The following MAP7 variants were observed in gnomAD, a reference collection of about 807,000 sequenced individuals.
MAP7 encodes microtubule associated protein 7.
Under a neutral mutation model 94.8 loss-of-function variants are expected in MAP7, and 52 were observed. That is an observed-to-expected ratio of 0.55 (90% CI 0.44 to 0.69). MAP7 has a LOEUF of 0.69. Among genes scored for constraint, MAP7 ranks in the 30% least tolerant of loss-of-function variants. The probability of loss-of-function intolerance (pLI) is 0.00; values close to 1 mark genes in which losing one functional copy is unlikely to be tolerated. For synonymous variants in MAP7, 350 were observed against 357.0 expected, an observed-to-expected ratio of 0.98 and a Z score of 0.22; for missense variants, 940 against 964.6, an observed-to-expected ratio of 0.97 and a Z score of 0.34.
chr6:136,367,296 C>T (rs1794580848), intron 8 of MAP7, among the ~76,000 whole-genome samples: 1 of 151,796 alleles, frequency 6.6e-6, no homozygotes, highest in Non-Finnish European at 1.5e-5. Context: ...TGAAACCTGA[C>T]AATGCCCTCA....
intron 1 of MAP7, among the ~76,000 whole-genome samples, chr6:136,439,778 T>TC (rs992925132): frequency 6.6e-6 from 1 of 151,496 alleles, no homozygotes; most frequent in African/African-American, 2.4e-5. Context: ...ATAAGCAACT[T>TC]TTTTTTTTCC....
At chr6:136,411,341 G>C (rs147361414) in intron 3 of MAP7, among the ~76,000 whole-genome samples, 1 of 152,174 alleles carries the variant, frequency 6.6e-6, no homozygotes, top group Non-Finnish European at 1.5e-5. Flanking sequence ...TACTGTCCTC[G>C]CATTTTCTCA....
intron 16 of MAP7, among the ~76,000 whole-genome samples, chr6:136,349,847 G>A (rs1011308552): frequency 2.0e-5 from 3 of 152,090 alleles, no homozygotes; most frequent in Non-Finnish European, 4.4e-5. Flanking sequence ...TGAGGAGTAG[G>A]GTTCAGGATA....
intron 1 of MAP7, among the ~76,000 whole-genome samples, chr6:136,479,404 T>C (rs112031332): frequency 0.02 from 3,105 of 152,236 alleles, 108 homozygotes; most frequent in East Asian, 0.14. Flanking sequence ...TAGTATCATA[T>C]TGAATGAGGA....
intron 6 of MAP7, among the ~76,000 whole-genome samples, chr6:136,380,924 T>A (rs1164457956): frequency 6.6e-6 from 1 of 152,228 alleles, no homozygotes; most frequent in Non-Finnish European, 1.5e-5. Context: ...GCTCTTTGGA[T>A]ATATTACAGC....
intron 1 of MAP7, among the ~76,000 whole-genome samples, chr6:136,501,586 G>A (rs1281087731): frequency 3.3e-5 from 5 of 152,032 alleles, no homozygotes; most frequent in Admixed American, 2.6e-4. Context: ...TTCCACTCCT[G>A]TCTCATTAAT....
intron 3 of MAP7, among the ~76,000 whole-genome samples, chr6:136,394,940 A>ATATATATATATATATATG (rs1554243158): frequency 2.2e-5 from 2 of 91,686 alleles, no homozygotes; most frequent in Non-Finnish European, 4.2e-5. Flanking sequence ...TCATATATAT[A>ATATATATATATATATATG]TATATATATA....
rs1454144808 is a variant in MAP7 at position 136,366,055 on chromosome 6, A to G, written c.990-37T>C. ...ACAAACAAGGCAGACAAAAGGGGAC[A>G]CATGAGAACAGGCTTGCCAGAACCT... is the stretch of plus-strand genomic sequence containing the variant. On this transcript the variant is annotated intron_variant, in intron 9 of 17. Transcript: ENST00000354570. 1.9e-6 allele frequency: 3 copies of G among 1,584,866 alleles called. No individual in the cohort carries two copies. The African/African-American group carries it at 4.0e-5, about 21-fold the overall frequency.
chr6:136,354,475 G>T (rs1360342431), intron 16 of MAP7, among the ~76,000 whole-genome samples: 3 of 145,660 alleles, frequency 2.1e-5, no homozygotes, highest in African/African-American at 7.5e-5. Flanking sequence ...ATATATAGTA[G>T]ATATATATAC....
chr6:136,533,700 G>GGT (rs1244804682), intron 1 of MAP7, among the ~76,000 whole-genome samples: 1 of 152,168 alleles, frequency 6.6e-6, no homozygotes, highest in African/African-American at 2.4e-5. Flanking sequence ...AAGGGAAACA[G>GGT]GTGTGTCACA....
At chr6:136,459,186 A>G (rs1316715006) in intron 1 of MAP7, among the ~76,000 whole-genome samples, 2 of 152,134 alleles carry the variant, frequency 1.3e-5, no homozygotes, top group African/African-American at 4.8e-5. Context: ...ATCCAAATTA[A>G]AATCCTCATG....
chr6:136,356,757 T>G lies in MAP7; in HGVS notation c.1950A>C (p.Gly650=). Residue 650 remains glycine (G), a synonymous_variant, in exon 16 of 18, where the codon GGA becomes GGC. Transcript: ENST00000354570. ...GTGGGCTGCCAACTGGCTTTCCATT[T>G]CCCGGAGCGTTTGTTGTACATGGAA... ...SALPCTTNAP[G]NGKPVGSPHV... The G allele has an allele frequency of 6.2e-7, 1 of 1,614,204 alleles. No homozygotes were observed. The highest frequency in any genetic ancestry group is 8.5e-7 in the Non-Finnish European group (1 of 1,180,032).
chr6:136,500,644 G>A (rs1399531577), intron 1 of MAP7, among the ~76,000 whole-genome samples: 1 of 152,214 alleles, frequency 6.6e-6, no homozygotes, highest in Non-Finnish European at 1.5e-5. Flanking sequence ...GTTACACTAA[G>A]TGCATCTACC....
At chr6:136,350,307 G>A (rs1788807425) in intron 16 of MAP7, among the ~76,000 whole-genome samples, 1 of 152,172 alleles carries the variant, frequency 6.6e-6, no homozygotes. Context: ...TAAAGATACT[G>A]ACTGATCACA....
chr6:136,440,489 G>T lies in MAP7; in HGVS notation c.68-18690C>A, dbSNP rs185655590. ...TTATGTCATCAGTCATAGGGAAAAA[G>T]AACAGGATATGCATCAGCTTTTTAT... On this transcript the variant is annotated intron_variant, in intron 1 of 17. Transcript: ENST00000354570. Among the ~76,000 whole-genome samples the T allele has an allele frequency of 5.9e-5, 9 of 152,174 alleles. No individual in the cohort carries two copies. In the East Asian group the frequency reaches 1.7e-3, roughly 29 times the overall value.
At chr6:136,360,442 G>A (rs1792262742) in intron 13 of MAP7, among the ~76,000 whole-genome samples, 1 of 152,258 alleles carries the variant, frequency 6.6e-6, no homozygotes, top group Non-Finnish European at 1.5e-5. Flanking sequence ...ACCCGGCCCA[G>A]CAGTGCTGCT....
intron 1 of MAP7, among the ~76,000 whole-genome samples, chr6:136,454,627 A>G (rs926223347): frequency 8.6e-5 from 13 of 150,994 alleles, no homozygotes; most frequent in African/African-American, 3.2e-4. Flanking sequence ...GCAAACAGCC[A>G]GGTGCAGTGG....
chr6:136,376,341 T>C (rs1455360902), intron 7 of MAP7, among the ~76,000 whole-genome samples: 1 of 151,986 alleles, frequency 6.6e-6, no homozygotes, highest in Admixed American at 6.5e-5. Context: ...CTCAACGATC[T>C]GCCCACCTCG....
chr6:136,368,241 A>G (rs1239092716), intron 8 of MAP7, among the ~76,000 whole-genome samples: 1 of 149,168 alleles, frequency 6.7e-6, no homozygotes, highest in African/African-American at 2.5e-5. Context: ...TCCTTTTGTT[A>G]CTCTTATATC....
Sources: allele counts gnomAD v4.1 joint callset (sites outside exome capture counted in the v4.1 genomes callset), GRCh38; gene constraint gnomAD v4.1.1; transcripts MANE v1.5; gene names NCBI Gene and HGNC (gene_info 2026-07-23, HGNC 2026-07-21).